Variants in KLF12 observed in about 807,000 individuals in gnomAD.
KLF12 encodes the protein KLF transcription factor 12.
In KLF12, 9 loss-of-function variants were observed where a neutral mutation model predicts 37.8. The ratio of observed to expected loss-of-function variants is 0.24; its 90% confidence interval spans 0.14 to 0.42. The LOEUF (loss-of-function observed/expected upper bound fraction) is 0.42. Ranked by LOEUF, KLF12 falls within the 10% of genes least tolerant of loss-of-function variation. The pLI is 1.00. For missense variants in KLF12, 411 were observed against 516.0 expected (o/e 0.80, Z 1.97); for synonymous variants, 208 against 202.1 (o/e 1.03, Z -0.25).
chr13:73,912,873 C>G (rs188488418), intron 3 of KLF12, among the ~76,000 whole-genome samples: 1 of 152,282 alleles, frequency 6.6e-6, no homozygotes, highest in East Asian at 1.9e-4. Context: ...TCTCCCCTCA[C>G]TCACAGCATG....
intron 1 of KLF12, among the ~76,000 whole-genome samples, chr13:74,082,701 A>G (rs1056882260): frequency 2.6e-5 from 4 of 152,160 alleles, no homozygotes; most frequent in Non-Finnish European, 5.9e-5. Flanking sequence ...AAGGGCAGGG[A>G]ACATCCAAGG....
At chr13:73,869,531 T>C (rs1405147302) in intron 3 of KLF12, among the ~76,000 whole-genome samples, 2 of 152,152 alleles carry the variant, frequency 1.3e-5, no homozygotes, top group African/African-American at 4.8e-5. Flanking sequence ...TTTTCAAAAT[T>C]GTAGACATAT....
chr13:74,294,425 G>T, the KLF12 span, among the ~76,000 whole-genome samples: 4 of 152,202 alleles, frequency 2.6e-5, no homozygotes, highest in African/African-American at 9.6e-5. Context: ...CTGGAGTGCG[G>T]TGGTGCGATC....
the KLF12 span, among the ~76,000 whole-genome samples, chr13:74,271,231 A>G: frequency 2.0e-5 from 3 of 152,244 alleles, no homozygotes; most frequent in South Asian, 6.2e-4. Flanking sequence ...TGTCTTCCAC[A>G]AAACCAGTCC....
the KLF12 span, among the ~76,000 whole-genome samples, chr13:74,290,333 C>A: frequency 6.6e-6 from 1 of 152,224 alleles, no homozygotes; most frequent in East Asian, 1.9e-4. Flanking sequence ...CTGACCTGAT[C>A]TAATTCCAGC....
At chr13:74,150,102 C>G in the KLF12 span, among the ~76,000 whole-genome samples, 1 of 152,126 alleles carries the variant, frequency 6.6e-6, no homozygotes, top group Non-Finnish European at 1.5e-5. Flanking sequence ...TCTCCCTCTG[C>G]TGGATTGTAA....
In KLF12 at chr13:73,689,588, T is replaced by G. The variant is rs549444974; in HGVS notation, c.*5902A>C. 1 of 152,340 alleles carries G rather than the reference T, an allele frequency of 6.6e-6. No individual in the cohort carries two copies. Among genetic ancestry groups the G allele is most frequent in the Admixed American group, 6.5e-5 (1 of 15,286 alleles). 9.4% of individuals were successfully genotyped at this position (152,340 alleles called of 1,614,324 possible). ...ACCTGTGAGCTTCTGAATGTGCATC[T>G]GGTAATTTTTAGGACTAACTGCAAA... On this transcript the variant is annotated 3_prime_UTR_variant, in exon 8 of 8. Transcript: ENST00000377669.
chr13:73,846,442 C>A, intron 3 of KLF12, 69 bp from the exon 4 acceptor site: 1 of 1,340,492 alleles, frequency 7.5e-7, no homozygotes, highest in Non-Finnish European at 1.0e-6. Context: ...CATGGCTTAC[C>A]ACTTGAACGT....
At chr13:73,986,039 T>C (rs1482725828) in intron 2 of KLF12, among the ~76,000 whole-genome samples, 2 of 152,174 alleles carry the variant, frequency 1.3e-5, no homozygotes, top group Non-Finnish European at 2.9e-5. Context: ...GTGCATGCTA[T>C]CACCTCAAGA....
intron 6 of KLF12, among the ~76,000 whole-genome samples, chr13:73,742,018 C>A (rs1222334348): frequency 1.6e-5 from 1 of 61,514 alleles, no homozygotes; most frequent in Non-Finnish European, 4.9e-5. Flanking sequence ...TGACCTTTTA[C>A]AAGAGGCTGA....
chr13:74,019,223 G>C (rs747026096), intron 1 of KLF12, among the ~76,000 whole-genome samples: 1 of 152,088 alleles, frequency 6.6e-6, no homozygotes, highest in Non-Finnish European at 1.5e-5. Context: ...GCAGAAATTA[G>C]GATTGGTCTT....
At chr13:74,154,535 T>C in the KLF12 span, among the ~76,000 whole-genome samples, 2 of 152,228 alleles carry the variant, frequency 1.3e-5, no homozygotes, top group Non-Finnish European at 2.9e-5. Flanking sequence ...GGAATTTCTC[T>C]TTCCTCCTTT....
At chr13:74,263,416 CA>C in the KLF12 span, among the ~76,000 whole-genome samples, 1 of 152,276 alleles carries the variant, frequency 6.6e-6, no homozygotes, top group South Asian at 2.1e-4. Flanking sequence ...ATATATGCCC[CA>C]GTAGAAGAGC....
At chr13:74,047,970 G>A (rs929982045) in intron 1 of KLF12, among the ~76,000 whole-genome samples, 1 of 152,204 alleles carries the variant, frequency 6.6e-6, no homozygotes, top group Non-Finnish European at 1.5e-5. Context: ...TATGGAAGCT[G>A]TGCTTCCCCA....
intron 6 of KLF12, among the ~76,000 whole-genome samples, chr13:73,732,959 T>A (rs185551709): frequency 1.3e-5 from 2 of 152,258 alleles, no homozygotes; most frequent in East Asian, 3.9e-4. Flanking sequence ...TCCCTCATGA[T>A]TATTCTCTTC....
At chr13:74,239,485 C>G in the KLF12 span, among the ~76,000 whole-genome samples, 6 of 120,324 alleles carry the variant, frequency 5.0e-5, no homozygotes, top group Non-Finnish European at 1.0e-4. Flanking sequence ...AGTTCAATTC[C>G]TGGGTATCCT....
chr13:74,245,299 A>ATCTG, the KLF12 span, among the ~76,000 whole-genome samples: 28 of 120,356 alleles, frequency 2.3e-4, no homozygotes, highest in African/African-American at 9.2e-4. Context: ...AAGTTTATCT[A>ATCTG]TCTATCTATC....
At chr13:74,256,943 G>A in the KLF12 span, 2 of 152,016 alleles carry the variant, frequency 1.3e-5, no homozygotes, top group East Asian at 1.9e-4. Context: ...TTGTTATTCC[G>A]TGACATCTTA....
At chr13:74,130,542 G>C (rs1878202368) in intron 1 of KLF12, among the ~76,000 whole-genome samples, 1 of 151,644 alleles carries the variant, frequency 6.6e-6, no homozygotes, top group African/African-American at 2.4e-5. Context: ...CTGTAGTCCT[G>C]CCTACTTGGG....
Sources: gnomAD v4.1 joint callset for allele counts (sites outside exome capture counted in the v4.1 genomes callset) on GRCh38, gnomAD v4.1.1 for gene constraint, MANE v1.5 for transcripts, NCBI Gene and HGNC (gene_info 2026-07-23, HGNC 2026-07-21) for gene names.